Variants in LPP observed in about 807,000 individuals in gnomAD.
LPP encodes lipoma-preferred partner.
A neutral mutation model predicts 60.4 loss-of-function variants in LPP; 38 were observed. The ratio of observed to expected loss-of-function variants is 0.63; its 90% CI spans 0.49 to 0.83. The LOEUF is 0.83. Ranked by LOEUF, LPP falls within the 40% of genes least tolerant of loss-of-function variation. LPP has a pLI of 0.00. For synonymous variants in LPP, 328 were observed against 290.8 expected (o/e 1.13, Z -1.30); for missense variants, 902 against 783.6 (o/e 1.15, Z -1.80).
At chr3:188,509,624 CCCTTCCTTCCTTCCTTCCTT>C (rs1166656652) in intron 5 of LPP, among the ~76,000 whole-genome samples, 1 of 116,872 alleles carries the variant, frequency 8.6e-6, no homozygotes, top group African/African-American at 3.4e-5. Flanking sequence ...TTTTTTTGTC[CCCTTCCTTCCTTCCTTCCTT>C]CCTTCCTTCC....
At chr3:188,775,471 T>G (rs1362124134) in intron 9 of LPP, among the ~76,000 whole-genome samples, 1 of 152,206 alleles carries the variant, frequency 6.6e-6, no homozygotes. Context: ...GCATTTTCCT[T>G]TAAGGATACA....
chr3:188,227,805 A>G (rs1718372597), intron 2 of LPP, among the ~76,000 whole-genome samples: 1 of 152,166 alleles, frequency 6.6e-6, no homozygotes, highest in African/African-American at 2.4e-5. Context: ...CTGGTTTGCT[A>G]TATTCTCATA....
At chr3:188,179,689 C>A (rs967962123) in intron 1 of LPP, 1 of 355,866 alleles carries the variant, frequency 2.8e-6, no homozygotes, top group African/African-American at 2.1e-5. Context: ...CTTGTCTGCT[C>A]CAAAACTGTG....
intron 9 of LPP, among the ~76,000 whole-genome samples, chr3:188,796,359 G>A (rs1354865801): frequency 6.6e-6 from 1 of 152,106 alleles, no homozygotes; most frequent in Non-Finnish European, 1.5e-5. Flanking sequence ...AAACCATGAA[G>A]GACTTAGGCC....
intron 8 of LPP, among the ~76,000 whole-genome samples, chr3:188,715,383 A>AAAAAC (rs1198528040): frequency 8.5e-6 from 1 of 117,922 alleles, no homozygotes; most frequent in African/African-American, 2.6e-5. Flanking sequence ...TCTCAAAAAA[A>AAAAAC]AAAAAAAAAA....
Position 188,881,139 on chromosome 3 carries a change from C to CAAAAAGAAAAAAAAAAAAAAAA in LPP, c.*6665_*6666insGAAAAAAAAAAAAAAAAAAAAA, listed in dbSNP as rs1769952256. Reference sequence around the variant, plus strand: ...TGGGCGAAAGAGCGAGACTCCGTCTCAAAAAAAAAAAAAAAAAAATAGGAT... The same window carrying CAAAAAGAAAAAAAAAAAAAAAA: ...TGGGCGAAAGAGCGAGACTCCGTCTCAAAAAGAAAAAAAAAAAAAAAAAAAAAAAAAAAAAAAAAAATAGGAT... On this transcript the variant is annotated 3_prime_UTR_variant, in exon 12 of 12. Coordinates refer to ENST00000617246, the MANE Select transcript of LPP (RefSeq NM_001375462.1). 1 of 72,388 alleles carries CAAAAAGAAAAAAAAAAAAAAAA rather than the reference C, an allele frequency of 1.4e-5. No homozygotes were observed. The highest frequency in any genetic ancestry group is 3.1e-5 in the Non-Finnish European group (1 of 32,568). The allele number at this position is 72,388 out of a possible 1,614,324, so 4.5% of individuals were successfully genotyped here.
intron 7 of LPP, among the ~76,000 whole-genome samples, chr3:188,670,080 A>G (rs938071992): frequency 6.6e-6 from 1 of 152,118 alleles, no homozygotes; most frequent in Non-Finnish European, 1.5e-5. Flanking sequence ...AGGGTGAGGA[A>G]CTTCACACAC....
intron 9 of LPP, among the ~76,000 whole-genome samples, chr3:188,789,189 A>G (rs1397826751): frequency 6.6e-6 from 1 of 152,204 alleles, no homozygotes; most frequent in Non-Finnish European, 1.5e-5. Flanking sequence ...AGACTACCAT[A>G]TAGTGTAAAC....
chr3:188,278,413 C>T (rs1740759387), intron 2 of LPP, among the ~76,000 whole-genome samples: 2 of 152,196 alleles, frequency 1.3e-5, no homozygotes, highest in African/African-American at 4.8e-5. Flanking sequence ...GCTCTGTCCT[C>T]ACCTCTTCCT....
At chr3:188,684,076 G>A (rs1185047114) in intron 7 of LPP, among the ~76,000 whole-genome samples, 1 of 152,224 alleles carries the variant, frequency 6.6e-6, no homozygotes, top group African/African-American at 2.4e-5. Context: ...CAAACTGCAA[G>A]ACACATACGC....
intron 7 of LPP, among the ~76,000 whole-genome samples, chr3:188,614,598 A>AGGGTT (rs1844505348): frequency 1.3e-5 from 2 of 152,134 alleles, no homozygotes; most frequent in African/African-American, 4.8e-5. Flanking sequence ...TTTTCTGATG[A>AGGGTT]GGGTTCAAAA....
intron 2 of LPP, chr3:188,240,167 G>C (rs185551917): frequency 1.6e-5 from 3 of 185,022 alleles, no homozygotes; most frequent in South Asian, 2.0e-4. Context: ...CTCAAGGTGG[G>C]GTTTATGTGT....
At chr3:188,528,335 C>T (rs1322733580) in intron 6 of LPP, among the ~76,000 whole-genome samples, 1 of 151,906 alleles carries the variant, frequency 6.6e-6, no homozygotes, top group Non-Finnish European at 1.5e-5. Flanking sequence ...CCCCTCCCCG[C>T]CCCCCAGCTT....
At chr3:188,250,792 T>C (rs1018376844) in intron 2 of LPP, among the ~76,000 whole-genome samples, 3 of 86,898 alleles carry the variant, frequency 3.5e-5, no homozygotes, top group South Asian at 3.6e-4. Flanking sequence ...CTTTCTGTCT[T>C]TCTCTTTCTT....
rs1419719755 is a variant in LPP at position 188,828,699 on chromosome 3, TCA to T, written c.1411-37500_1411-37499del. ...GCAGGTTAAGAGAACTCCCTGAGCC[TCA>T]GTTTTCTTGTCTGTTTATCAAGAGT... On this transcript the variant is annotated intron_variant, in intron 9 of 11. Transcript: ENST00000617246. Among the ~76,000 whole-genome samples the T allele has an allele frequency of 2.1e-5, 3 of 144,314 alleles. No individual in the cohort carries two copies. In the East Asian group the frequency reaches 6.6e-4, roughly 32 times the overall value. 94.7% of individuals were successfully genotyped at this position (144,314 alleles called of 152,430 possible). A position where few individuals can be genotyped will look rare whatever the true frequency, so the allele number is the denominator to read the frequency against.
In LPP at chr3:188,878,645, G is replaced by A. The variant is rs1356686918; in HGVS notation, c.*4166G>A. On this transcript the variant is annotated 3_prime_UTR_variant, in exon 12 of 12. Coordinates refer to ENST00000617246, the MANE Select transcript of LPP (RefSeq NM_001375462.1). ...GACAATCAGAGAACAACATATACTT[G>A]TGCCTTATTTTCAAAGAATCTATTT... 4.9e-6 allele frequency: 1 copy of A among 203,756 alleles called. No homozygotes were observed. Among genetic ancestry groups the A allele is most frequent in the Non-Finnish European group, 1.0e-5 (1 of 99,618 alleles). 12.6% of individuals were successfully genotyped at this position (203,756 alleles called of 1,614,324 possible). A position where few individuals can be genotyped will look rare whatever the true frequency, so the allele number is the denominator to read the frequency against.
At chr3:188,729,449 CT>C (rs1282953277) in intron 8 of LPP, among the ~76,000 whole-genome samples, 1 of 152,172 alleles carries the variant, frequency 6.6e-6, no homozygotes, top group African/African-American at 2.4e-5. Flanking sequence ...ATTTCTACTG[CT>C]GTATACCACT....
rs138598405 is a variant in LPP, at chr3:188,799,600, G to C, written c.1410+39318G>C. On this transcript the variant is annotated intron_variant, in intron 9 of 11. Transcript: ENST00000617246. ...ACTCCTTTTTCTTTCCAGCATAGAA[G>C]TATGTCATGTTTTCTGTCTTCAGAA... Among the ~76,000 whole-genome samples the C allele has an allele frequency of 1.5e-3, 224 of 152,184 alleles. 1 individual carries two copies. The highest frequency in any genetic ancestry group is 5.3e-3 in the African/African-American group (219 of 41,532).
At chr3:188,396,726 A>G (rs1175375857) in intron 3 of LPP, among the ~76,000 whole-genome samples, 2 of 152,170 alleles carry the variant, frequency 1.3e-5, no homozygotes, top group African/African-American at 4.8e-5. Context: ...ACTGAACTCA[A>G]AGAGGTGCAG....
Sources: allele counts gnomAD v4.1 joint callset (sites outside exome capture counted in the v4.1 genomes callset), GRCh38; gene constraint gnomAD v4.1.1; transcripts MANE v1.5; gene names NCBI Gene and HGNC (gene_info 2026-07-23, HGNC 2026-07-21).